The following BPIFA2 variants were observed in gnomAD, a reference collection of about 807,000 sequenced individuals.
The protein encoded by BPIFA2 is BPI fold-containing family A member 2.
BPIFA2 carries 20 observed loss-of-function variants against 25.7 expected under a neutral mutation model. That is an observed-to-expected ratio of 0.78 (90% CI 0.55 to 1.13). BPIFA2 has a LOEUF of 1.13. BPIFA2 is among the 50% of genes most tolerant of loss of function. BPIFA2 has a pLI of 0.00. For synonymous variants in BPIFA2, 126 were observed against 124.3 expected (o/e 1.01, Z -0.09); for missense variants, 300 against 298.1 (o/e 1.01, Z -0.05).
upstream of BPIFA2, among the ~76,000 whole-genome samples, chr20:33,163,684 T>C (rs758849921): frequency 3.3e-5 from 5 of 151,998 alleles, no homozygotes; most frequent in Non-Finnish European, 5.9e-5. Flanking sequence ...TAGCAGGGTG[T>C]GGTGGTGCAT....
At chr20:33,162,665 C>T (rs1983614774) in intron 1 of BPIFA2, among the ~76,000 whole-genome samples, 1 of 152,130 alleles carries the variant, frequency 6.6e-6, no homozygotes, top group Non-Finnish European at 1.5e-5. Flanking sequence ...AAATGCAGGC[C>T]CAGAGAGGCA....
Position 33,175,494 on chromosome 20 carries a change from G to T in BPIFA2, c.498G>T (p.Gln166His). The T allele has an allele frequency of 6.2e-7, 1 of 1,614,154 alleles. No individual in the cohort carries two copies. Among genetic ancestry groups the T allele is most frequent in the Non-Finnish European group, 8.5e-7 (1 of 1,180,004 alleles). Residue 166 changes from glutamine to histidine, a missense_variant, in exon 5 of 9, where the codon CAG becomes CAT. Gln to His is a conservative substitution (Grantham distance 24). Transcript: ENST00000354932. ...TTGAAACTGATCCCCAGACACACCA[G>T]CCTGTTGCCGTCCTGGGAGAATGCG... is the stretch of plus-strand genomic sequence containing the variant. ...VTIETDPQTHQPVAVLGECAS... is the reference protein window; with the variant it reads ...VTIETDPQTHHPVAVLGECAS...
chr20:33,166,925 G>A (rs1454725588), upstream of BPIFA2, among the ~76,000 whole-genome samples: 11 of 152,220 alleles, frequency 7.2e-5, no homozygotes, highest in Non-Finnish European at 1.6e-4. Context: ...GGGGAAGAGC[G>A]GGGCTCAGAC....
At chr20:33,176,789 A>G (rs1984093682) in intron 5 of BPIFA2, among the ~76,000 whole-genome samples, 1 of 151,776 alleles carries the variant, frequency 6.6e-6, no homozygotes, top group African/African-American at 2.4e-5. Context: ...CCCCTTACTC[A>G]CTGTGCCCAG....
intron 2 of BPIFA2, among the ~76,000 whole-genome samples, chr20:33,171,104 G>C (rs1045178792): frequency 6.6e-5 from 10 of 152,062 alleles, no homozygotes; most frequent in African/African-American, 2.4e-4. Flanking sequence ...GTCTGTTTTG[G>C]TACCAGTACC....
At chr20:33,162,192 G>C (rs1360107376) in intron 1 of BPIFA2, among the ~76,000 whole-genome samples, 1 of 152,092 alleles carries the variant, frequency 6.6e-6, no homozygotes, top group African/African-American at 2.4e-5. Flanking sequence ...TGTTGGCCAG[G>C]CTGGTCTTGA....
chr20:33,166,996 A>G (rs145110889), upstream of BPIFA2, among the ~76,000 whole-genome samples: 195 of 152,296 alleles, frequency 1.3e-3, no homozygotes, highest in Middle Eastern at 3.4e-3. Flanking sequence ...TCAAGACCAC[A>G]GGCAAGACTG....
Position 33,169,257 on chromosome 20 carries a change from C to G in BPIFA2, c.112C>G (p.Pro38Ala), listed in dbSNP as rs765815064. 34 of 1,614,122 alleles carry G rather than the reference C, an allele frequency of 2.1e-5. No homozygotes were observed. Among genetic ancestry groups the G allele is most frequent in the Non-Finnish European group, 2.7e-5 (32 of 1,179,978 alleles). Residue 38 changes from proline (P) to alanine (A), a missense_variant, in exon 2 of 9, where the codon CCT becomes GCT. By Grantham distance (27) the Pro-to-Ala change is conservative. Coordinates refer to ENST00000354932, the MANE Select transcript of BPIFA2 (RefSeq NM_080574.4). ...AAGCAATGTCGTGGATAAGCTGGAA[C>G]CTGTTCTTCACGAGGGACTTGAGAC... Reference protein sequence around the residue: ...DLSNVVDKLEPVLHEGLETVD... With the variant: ...DLSNVVDKLEAVLHEGLETVD...
At chr20:33,166,836 C>A (rs1409369487), upstream of BPIFA2, among the ~76,000 whole-genome samples, 1 of 152,240 alleles carries the variant, frequency 6.6e-6, no homozygotes, top group Non-Finnish European at 1.5e-5. Flanking sequence ...TGCTCAGCAC[C>A]CTGGGCTATG....
chr20:33,172,835 A>G (rs1409737983), intron 2 of BPIFA2, 97 bp from the exon 3 acceptor site: 20 of 1,321,080 alleles, frequency 1.5e-5, no homozygotes, highest in East Asian at 7.2e-5. Flanking sequence ...TAAAGATTAA[A>G]TGAAATAACA....
In BPIFA2 at chr20:33,173,057, A is replaced by G; in HGVS notation, c.283A>G (p.Thr95Ala). 6.2e-7 allele frequency: 1 copy of G among 1,613,866 alleles called. No individual in the cohort carries two copies. The highest frequency in any genetic ancestry group is 2.2e-5 in the East Asian group (1 of 44,860). Residue 95 changes from threonine (T) to alanine (A), a missense_variant, in exon 3 of 9, where the codon ACT becomes GCT. Transcript: ENST00000354932. ...LNNVISKLLP[T>A]NTDIFGLKIS... ...CAATGTCATTTCTAAGCTGCTTCCA[A>G]CTAACACGGACATTTTTGGGTGAGT...
At chr20:33,179,114 C>G (rs113688206) in intron 6 of BPIFA2, among the ~76,000 whole-genome samples, 22 of 152,164 alleles carry the variant, frequency 1.4e-4, no homozygotes, top group African/African-American at 4.3e-4. Flanking sequence ...TTTAAGACTG[C>G]TGGGATCCCA....
rs775822241 is a variant in BPIFA2 at position 33,178,221 on chromosome 20, A to T, written c.638A>T (p.Gln213Leu). 60 of 1,591,958 alleles carry T rather than the reference A, an allele frequency of 3.8e-5. No individual in the cohort carries two copies. The highest frequency in any genetic ancestry group is 5.1e-5 in the Non-Finnish European group (59 of 1,162,302). ...TLKSTVSSLL[Q>L]KEICPLIRIF... ...AAAAGCACTGTATCCTCCCTGCTGC[A>T]GAAGGAGGTGAGTCTCCCACTCCTT... is the stretch of plus-strand genomic sequence containing the variant. Residue 213 changes from glutamine to leucine, a missense_variant, in exon 6 of 9, where the codon CAG becomes CTG. Gln to Leu is a moderately radical substitution (Grantham distance 113). Transcript: ENST00000354932.
chr20:33,171,473 T>A (rs917804248), intron 2 of BPIFA2, among the ~76,000 whole-genome samples: 1 of 152,186 alleles, frequency 6.6e-6, no homozygotes, highest in Non-Finnish European at 1.5e-5. Flanking sequence ...GGAGATCATT[T>A]TTGCAATCTA....
upstream of BPIFA2, among the ~76,000 whole-genome samples, chr20:33,164,511 TCTTC>T (rs1361732563): frequency 6.6e-6 from 1 of 151,770 alleles, no homozygotes; most frequent in Non-Finnish European, 1.5e-5. Flanking sequence ...TCCCTTCTTC[TCTTC>T]CTTTTCTCCT....
At chr20:33,162,670 G>A (rs1983615057) in intron 1 of BPIFA2, among the ~76,000 whole-genome samples, 1 of 152,212 alleles carries the variant, frequency 6.6e-6, no homozygotes, top group Admixed American at 6.5e-5. Flanking sequence ...CAGGCCCAGA[G>A]AGGCAATGCC....
chr20:33,178,993 G>C (rs567691453), intron 6 of BPIFA2, among the ~76,000 whole-genome samples: 1 of 152,278 alleles, frequency 6.6e-6, no homozygotes, highest in South Asian at 2.1e-4. Context: ...TAAAATTCCA[G>C]GGTTCCAAAG....
At chr20:33,175,883 C>G (rs1375290769) in intron 5 of BPIFA2, among the ~76,000 whole-genome samples, 2 of 152,170 alleles carry the variant, frequency 1.3e-5, no homozygotes, top group East Asian at 3.8e-4. Context: ...CTCTCCATTA[C>G]TGAGACTGGA....
At chr20:33,166,537 G>T (rs1983731440), upstream of BPIFA2, among the ~76,000 whole-genome samples, 1 of 152,120 alleles carries the variant, frequency 6.6e-6, no homozygotes, top group Non-Finnish European at 1.5e-5. Context: ...GGTGAGCACT[G>T]TTCTTAGTCC....
Sources: allele counts gnomAD v4.1 joint callset (sites outside exome capture counted in the v4.1 genomes callset), GRCh38; gene constraint gnomAD v4.1.1; transcripts MANE v1.5; gene names NCBI Gene and HGNC (gene_info 2026-07-23, HGNC 2026-07-21).